Variants in HPSE2 observed in about 807,000 individuals in gnomAD.
HPSE2 encodes the protein heparanase 2 (inactive).
In HPSE2, 38 loss-of-function variants were observed where a neutral mutation model predicts 60.5. The observed-to-expected ratio is 0.63, with a 90% CI of 0.48 to 0.82. The LOEUF is 0.82. Ranked by LOEUF, HPSE2 falls within the 40% of genes least tolerant of loss-of-function variation. The pLI is 0.00. For missense variants in HPSE2, 713 were observed against 740.4 expected (o/e 0.96, Z 0.43); for synonymous variants, 295 against 293.2 (o/e 1.01, Z -0.06).
At chr10:98,532,429 C>A (rs1357267949) in intron 9 of HPSE2, among the ~76,000 whole-genome samples, 2 of 152,152 alleles carry the variant, frequency 1.3e-5, no homozygotes, top group Admixed American at 6.5e-5. Flanking sequence ...TGGGCCCATA[C>A]CTTAAGCACC....
intron 11 of HPSE2, among the ~76,000 whole-genome samples, chr10:98,472,270 A>G (rs937925370): frequency 1.3e-5 from 2 of 152,044 alleles, no homozygotes; most frequent in Non-Finnish European, 2.9e-5. Flanking sequence ...GAACTGGGGC[A>G]CTAACCTGAA....
intron 3 of HPSE2, among the ~76,000 whole-genome samples, chr10:98,988,033 T>G (rs1459160260): frequency 6.6e-6 from 1 of 152,170 alleles, no homozygotes; most frequent in African/African-American, 2.4e-5. Context: ...TGCTCATGGA[T>G]AGGAAGAATC....
At position 98,843,115 on chromosome 10, in the gene HPSE2, A is replaced by T. The variant is rs180941902; in HGVS notation, c.611-99059T>A. On this transcript the variant is annotated intron_variant, in intron 3 of 11. Transcript: ENST00000370552. ...GTAAACTGTGTCATGGGGGTTTGTG[A>T]TACAGATTATTTCATCACCCGGGTA... is the stretch of plus-strand genomic sequence containing the variant. 2.6e-5 allele frequency among the ~76,000 whole-genome samples: 4 copies of T among 152,002 alleles called. No homozygotes were observed. In the East Asian group the frequency reaches 7.8e-4, roughly 29 times the overall value.
intron 7 of HPSE2, among the ~76,000 whole-genome samples, chr10:98,627,699 T>G (rs537479544): frequency 5.3e-4 from 80 of 152,360 alleles, no homozygotes; most frequent in African/African-American, 1.9e-3. Context: ...TTATATAATA[T>G]TTATAAAGCA....
chr10:98,629,186 T>C (rs2134006050), intron 7 of HPSE2, among the ~76,000 whole-genome samples: 1 of 152,362 alleles, frequency 6.6e-6, no homozygotes, highest in South Asian at 2.1e-4. Flanking sequence ...ACAGGCCAGC[T>C]GGGCTAATCA....
At chr10:98,567,709 C>T (rs899033187) in intron 9 of HPSE2, among the ~76,000 whole-genome samples, 23 of 151,894 alleles carry the variant, frequency 1.5e-4, no homozygotes, top group Non-Finnish European at 3.1e-4. Flanking sequence ...AATGGTGATG[C>T]CTTGTGAATA....
chr10:98,870,019 T>C (rs184033564), intron 3 of HPSE2, among the ~76,000 whole-genome samples: 93 of 152,308 alleles, frequency 6.1e-4, no homozygotes, highest in Middle Eastern at 3.4e-3. Context: ...AAGTTTTAAC[T>C]CTTCGGATTT....
At chr10:98,871,126 C>G (rs536691741) in intron 3 of HPSE2, among the ~76,000 whole-genome samples, 20 of 152,144 alleles carry the variant, frequency 1.3e-4, no homozygotes, top group African/African-American at 4.6e-4. Flanking sequence ...AAAACTCTTT[C>G]CTTTGTAAAT....
intron 3 of HPSE2, among the ~76,000 whole-genome samples, chr10:99,006,087 C>G (rs1379698340): frequency 2.0e-5 from 3 of 152,150 alleles, no homozygotes; most frequent in African/African-American, 7.2e-5. Flanking sequence ...TTCCCTGAAG[C>G]CTGTATCCAC....
intron 3 of HPSE2, among the ~76,000 whole-genome samples, chr10:98,899,413 A>G (rs917865499): frequency 6.6e-6 from 1 of 152,248 alleles, no homozygotes; most frequent in African/African-American, 2.4e-5. Context: ...CAAACCATAT[A>G]TCTGATAAAG....
chr10:99,064,565 C>A (rs893407377), intron 3 of HPSE2, among the ~76,000 whole-genome samples: 2 of 150,824 alleles, frequency 1.3e-5, no homozygotes. Flanking sequence ...TATATGCAAT[C>A]GCTGTCCCAT....
At chr10:98,905,926 A>G (rs577134105) in intron 3 of HPSE2, among the ~76,000 whole-genome samples, 18 of 152,284 alleles carry the variant, frequency 1.2e-4, no homozygotes, top group African/African-American at 3.1e-4. Flanking sequence ...CACCCACCAG[A>G]TCTCCCTTCA....
the HPSE2 span, among the ~76,000 whole-genome samples, chr10:99,284,347 C>T: frequency 9.2e-5 from 14 of 152,150 alleles, no homozygotes; most frequent in South Asian, 2.9e-3. Flanking sequence ...CATGATAAAA[C>T]CACTTGAACT....
intron 3 of HPSE2, among the ~76,000 whole-genome samples, chr10:98,744,557 A>G (rs1949580903): frequency 6.6e-6 from 1 of 151,764 alleles, no homozygotes. Context: ...AAAACAAAAC[A>G]AACAAAAAAA....
At chr10:98,595,615 G>T (rs1402554056) in intron 9 of HPSE2, among the ~76,000 whole-genome samples, 2 of 151,870 alleles carry the variant, frequency 1.3e-5, no homozygotes, top group Non-Finnish European at 2.9e-5. Flanking sequence ...GAGTCTTTAG[G>T]ATTTCCTTAT....
intron 3 of HPSE2, among the ~76,000 whole-genome samples, chr10:98,854,296 C>T (rs1321337484): frequency 6.6e-6 from 1 of 152,122 alleles, no homozygotes; most frequent in Non-Finnish European, 1.5e-5. Context: ...TCTCAAGGGT[C>T]AAGAGATTCA....
intron 2 of HPSE2, among the ~76,000 whole-genome samples, chr10:99,145,028 C>T (rs370184673): frequency 6.6e-6 from 1 of 152,168 alleles, no homozygotes; most frequent in South Asian, 2.1e-4. Flanking sequence ...GAAGAGAGCA[C>T]AGGAGGTCTA....
At chr10:99,307,546 T>C in the HPSE2 span, among the ~76,000 whole-genome samples, 2 of 152,196 alleles carry the variant, frequency 1.3e-5, no homozygotes, top group Non-Finnish European at 2.9e-5. Context: ...CAACACCCTA[T>C]GCCTTAAACA....
At chr10:98,714,948 C>T (rs1948757130) in intron 5 of HPSE2, among the ~76,000 whole-genome samples, 1 of 151,822 alleles carries the variant, frequency 6.6e-6, no homozygotes, top group African/African-American at 2.4e-5. Context: ...TGTTAAGTAT[C>T]TATTCACGTG....
Sources: allele counts gnomAD v4.1 joint callset (sites outside exome capture counted in the v4.1 genomes callset), GRCh38; gene constraint gnomAD v4.1.1; transcripts MANE v1.5; gene names NCBI Gene and HGNC (gene_info 2026-07-23, HGNC 2026-07-21).